The following SARNP variants were observed in gnomAD, a reference collection of about 807,000 sequenced individuals.
SARNP encodes SAP domain-containing ribonucleoprotein.
In SARNP, 5 loss-of-function variants were observed where a neutral mutation model predicts 38.1. The ratio of observed to expected loss-of-function variants is 0.13; its 90% CI spans 0.07 to 0.28. SARNP has a LOEUF of 0.28. Ranked by LOEUF, SARNP falls within the 10% of genes least tolerant of loss-of-function variation. The pLI is 1.00. For missense variants in SARNP, 180 were observed against 243.9 expected, an observed-to-expected ratio of 0.74 and a Z score of 1.75; for synonymous variants, 84 against 80.6, an observed-to-expected ratio of 1.04 and a Z score of -0.23.
At chr12:55,810,726 T>C (rs1047339424) in intron 1 of SARNP, among the ~76,000 whole-genome samples, 13 of 150,926 alleles carry the variant, frequency 8.6e-5, no homozygotes, top group Non-Finnish European at 1.9e-4. Flanking sequence ...GGGCTGGGAT[T>C]ACAGGCATGA....
At chr12:55,773,980 T>C (rs1879086857) in intron 9 of SARNP, among the ~76,000 whole-genome samples, 1 of 151,606 alleles carries the variant, frequency 6.6e-6, no homozygotes, top group African/African-American at 2.4e-5. Flanking sequence ...AATGCTAGGA[T>C]TACAGGCATG....
chr12:55,817,675 A>T lies in SARNP; in HGVS notation c.27T>A (p.His9Gln). The change falls in exon 1 of 11, where the codon CAT becomes CAA. Residue 9 changes from histidine (H) to glutamine (Q), a missense_variant. His to Gln is a conservative substitution (Grantham distance 24, BLOSUM62 0). Around this residue, in one of 2 missense-constraint regions of SARNP, gnomAD observed 161 missense variants for 194.1 expected, o/e 0.83. Coordinates refer to ENST00000336133, the MANE Select transcript of SARNP (RefSeq NM_033082.4). ...CCCCGATTCACGGTACCTTTAGCTTATGGAGCTCCACCGTCTCGGTCGCCA... is the reference window on the plus strand; with the variant it reads ...CCCCGATTCACGGTACCTTTAGCTTTTGGAGCTCCACCGTCTCGGTCGCCA... MATETVEL[H>Q]KLKLAELKQE... 6.2e-7 allele frequency: 1 copy of T among 1,612,928 alleles called. No homozygotes were observed. Among genetic ancestry groups the T allele is most frequent in the Non-Finnish European group, 8.5e-7 (1 of 1,179,496 alleles).
chr12:55,788,984 T>C (rs1219060849), intron 9 of SARNP, 91 bp downstream of exon 9: 6 of 810,232 alleles, frequency 7.4e-6, no homozygotes, highest in African/African-American at 1.8e-5. Context: ...TGTAGCCAGC[T>C]ACATTCTCAG....
At chr12:55,778,018 AAGGG>A (rs918516498) in intron 9 of SARNP, among the ~76,000 whole-genome samples, 4 of 152,212 alleles carry the variant, frequency 2.6e-5, no homozygotes, top group African/African-American at 9.6e-5. Flanking sequence ...GGAAACTGGG[AAGGG>A]AGGGAGATGA....
At chr12:55,764,562 C>T (rs1467573284) in intron 9 of SARNP, among the ~76,000 whole-genome samples, 4 of 147,304 alleles carry the variant, frequency 2.7e-5, no homozygotes, top group East Asian at 2.0e-4. Context: ...TAAGGCTGGG[C>T]GCAGTGGCTC....
chr12:55,753,079 T>TG (rs1221557708), downstream of SARNP: 3 of 152,194 alleles, frequency 2.0e-5, no homozygotes, highest in Non-Finnish European at 4.4e-5. Flanking sequence ...GACAGGAAAC[T>TG]GGGGGTACCT....
intron 3 of SARNP, 37 bp downstream of exon 3, chr12:55,800,817 A>T: frequency 1.3e-6 from 2 of 1,572,262 alleles, no homozygotes; most frequent in Non-Finnish European, 1.8e-6. Flanking sequence ...AAGCAGTGGC[A>T]CATTACCAGA....
chr12:55,774,568 AAAAAAACAAAC>A (rs1440074960), intron 9 of SARNP, among the ~76,000 whole-genome samples: 7 of 81,630 alleles, frequency 8.6e-5, no homozygotes, highest in African/African-American at 2.7e-4. Context: ...TGAAAAAAAA[AAAAAAACAAAC>A]AAAAAAAAAA....
intron 10 of SARNP, chr12:55,760,282 CTT>C (rs1878634318): frequency 2.2e-6 from 1 of 456,042 alleles, no homozygotes; most frequent in Admixed American, 3.8e-5. Context: ...CAGAGGATCG[CTT>C]GAGCCCAGGA....
intron 1 of SARNP, among the ~76,000 whole-genome samples, chr12:55,806,077 T>TA (rs1373802395): frequency 0.012 from 1,832 of 147,108 alleles, 16 homozygotes; most frequent in Middle Eastern, 0.021. Flanking sequence ...TTGCCAGTTT[T>TA]AAAAAAAAAA....
At chr12:55,797,955 T>G (rs1425039917) in intron 4 of SARNP, among the ~76,000 whole-genome samples, 1 of 152,238 alleles carries the variant, frequency 6.6e-6, no homozygotes, top group Non-Finnish European at 1.5e-5. Context: ...CTGAACAGAA[T>G]GCACATTTTA....
intron 1 of SARNP, among the ~76,000 whole-genome samples, chr12:55,813,098 AC>A (rs1880378691): frequency 6.6e-6 from 1 of 152,092 alleles, no homozygotes; most frequent in African/African-American, 2.4e-5. Context: ...AGTGCGCGCC[AC>A]CAGGCCCAGC....
chr12:55,779,880 C>T (rs1286665357), intron 9 of SARNP, among the ~76,000 whole-genome samples: 1 of 152,128 alleles, frequency 6.6e-6, no homozygotes, highest in African/African-American at 2.4e-5. Context: ...GGCATGGTGG[C>T]CCAACCCTGC....
At chr12:55,800,423 T>G (rs1382682199) in intron 4 of SARNP, 139 bp downstream of exon 4, 11 of 602,138 alleles carry the variant, frequency 1.8e-5, no homozygotes, top group Non-Finnish European at 3.1e-5. Context: ...AGTAGTCCCT[T>G]CTAAAAAACA....
intron 1 of SARNP, among the ~76,000 whole-genome samples, chr12:55,804,629 A>C (rs568723885): frequency 1.3e-5 from 2 of 152,176 alleles, no homozygotes; most frequent in Non-Finnish European, 2.9e-5. Context: ...TTTGCTACCT[A>C]TAAGTCATAG....
chr12:55,768,486 G>A (rs1429763467), intron 9 of SARNP, among the ~76,000 whole-genome samples: 4 of 150,542 alleles, frequency 2.7e-5, no homozygotes, highest in Non-Finnish European at 4.4e-5. Context: ...GTGTAGTGGC[G>A]CGATCTCGGC....
rs974807730 is a variant in SARNP, at chr12:55,760,888, A to T, written c.502-248T>A. The T allele has an allele frequency of 3.0e-5, 12 of 403,834 alleles. 1 individual carries two copies. Among genetic ancestry groups the T allele is most frequent in the Non-Finnish European group, 5.3e-5 (12 of 227,690 alleles). 25.0% of individuals were successfully genotyped at this position (403,834 alleles called of 1,614,324 possible). The stretch of plus-strand genomic sequence containing the variant: ...CATAAGACAAGTAGGGTAAAGAAAC[A>T]GTAAGAGGCCGGGCACGGTGACTCA... On this transcript the variant is annotated intron_variant, in intron 9 of 10. Transcript: ENST00000336133.
intron 9 of SARNP, among the ~76,000 whole-genome samples, chr12:55,778,407 A>G (rs2136188155): frequency 6.6e-6 from 1 of 152,234 alleles, no homozygotes; most frequent in Middle Eastern, 3.4e-3. Context: ...TCGGCCTCTC[A>G]AAGTGCTGAG....
At chr12:55,763,712 C>CA (rs1317923949) in intron 9 of SARNP, among the ~76,000 whole-genome samples, 1 of 152,150 alleles carries the variant, frequency 6.6e-6, no homozygotes, top group African/African-American at 2.4e-5. Context: ...CTCAGCCTCC[C>CA]AAAGTGCTGG....
Sources: gnomAD v4.1 joint callset for allele counts (sites outside exome capture counted in the v4.1 genomes callset) on GRCh38, gnomAD v4.1.1 for gene constraint, gnomAD v4.1.1 regional missense constraint, MANE v1.5 for transcripts, NCBI Gene and HGNC (gene_info 2026-07-23, HGNC 2026-07-21) for gene names.